The following MECOM variants were observed in gnomAD, a reference collection of about 807,000 sequenced individuals.
MECOM encodes the protein histone-lysine N-methyltransferase MECOM.
Under a neutral mutation model 116.3 loss-of-function variants are expected in MECOM, and 13 were observed. The ratio of observed to expected loss-of-function variants is 0.11; its 90% CI spans 0.07 to 0.18. MECOM has a LOEUF of 0.18. MECOM is among the 10% of genes least tolerant of loss of function. MECOM has a pLI of 1.00. For synonymous variants in MECOM, 528 were observed against 535.2 expected (o/e 0.99, Z 0.19); for missense variants, 1,299 against 1,509.0 (o/e 0.86, Z 2.31).
At chr3:169,167,886 C>T (rs1462147277) in intron 2 of MECOM, among the ~76,000 whole-genome samples, 2 of 151,998 alleles carry the variant, frequency 1.3e-5, no homozygotes, top group Non-Finnish European at 2.9e-5. Context: ...CTTGTCCTTT[C>T]GGGTTGCCTA....
intron 2 of MECOM, among the ~76,000 whole-genome samples, chr3:169,224,736 A>G (rs1752531008): frequency 6.6e-6 from 1 of 152,210 alleles, no homozygotes; most frequent in African/African-American, 2.4e-5. Context: ...TATGGCATTC[A>G]TTATCCACCA....
intron 1 of MECOM, among the ~76,000 whole-genome samples, chr3:169,526,359 G>A (rs1431835983): frequency 2.0e-5 from 3 of 152,056 alleles, no homozygotes; most frequent in Admixed American, 2.0e-4. Flanking sequence ...TGAAGGAGGT[G>A]GGAGGAGTTT....
At chr3:169,191,770 G>GAAAGAA (rs1559973978) in intron 2 of MECOM, among the ~76,000 whole-genome samples, 51 of 136,622 alleles carry the variant, frequency 3.7e-4, no homozygotes, top group African/African-American at 1.4e-3. Flanking sequence ...AAGAAAGAAA[G>GAAAGAA]AAAGAAAGAA....
intron 2 of MECOM, among the ~76,000 whole-genome samples, chr3:169,273,551 C>T (rs1451735620): frequency 6.6e-6 from 1 of 152,156 alleles, no homozygotes; most frequent in Non-Finnish European, 1.5e-5. Flanking sequence ...TCTGCGCATC[C>T]TGGTTGGCCT....
At position 169,512,799 on chromosome 3, in the gene MECOM, C is replaced by T. The variant is rs146806429; in HGVS notation, c.38-131275G>A. 5.3e-3 allele frequency among the ~76,000 whole-genome samples: 812 copies of T among 151,910 alleles called. 4 individuals carry two copies. Among genetic ancestry groups the T allele is most frequent in the African/African-American group, 0.017 (691 of 41,384 alleles). On this transcript the variant is annotated intron_variant, in intron 1 of 16. Coordinates refer to ENST00000651503, the MANE Select transcript of MECOM (RefSeq NM_004991.4). ...GGCCATCTCCACAGCATCCCAGCTC[C>T]CCCTTCCCACTTCTTCCTGCAGGGC...
intron 2 of MECOM, among the ~76,000 whole-genome samples, chr3:169,187,041 T>C (rs189734853): frequency 9.7e-4 from 148 of 152,252 alleles, no homozygotes; most frequent in Non-Finnish European, 1.4e-3. Context: ...TCCGAAGCAA[T>C]AGAAAAGTAA....
chr3:169,520,774 C>G (rs1757245721), intron 1 of MECOM, among the ~76,000 whole-genome samples: 1 of 151,878 alleles, frequency 6.6e-6, no homozygotes, highest in African/African-American at 2.4e-5. Flanking sequence ...AAATCTTAAT[C>G]TCAAAAAAAA....
chr3:169,155,708 C>T (rs1262274921), intron 2 of MECOM, among the ~76,000 whole-genome samples: 1 of 152,110 alleles, frequency 6.6e-6, no homozygotes, highest in Non-Finnish European at 1.5e-5. Context: ...TCAAATTTAT[C>T]GTCTTTCTAG....
chr3:169,130,652 A>T (rs1300978155), intron 4 of MECOM, among the ~76,000 whole-genome samples: 2 of 152,140 alleles, frequency 1.3e-5, no homozygotes, highest in Non-Finnish European at 2.9e-5. Context: ...AAGGGTGGTG[A>T]TCCCTGACTC....
At chr3:169,191,966 G>T (rs75078600) in intron 2 of MECOM, among the ~76,000 whole-genome samples, 22 of 151,968 alleles carry the variant, frequency 1.4e-4, no homozygotes, top group African/African-American at 5.1e-4. Flanking sequence ...AGAATAGAGT[G>T]GGTGGAGTAA....
chr3:169,153,182 G>A (rs909345249), intron 2 of MECOM, among the ~76,000 whole-genome samples: 1 of 152,022 alleles, frequency 6.6e-6, no homozygotes, highest in African/African-American at 2.4e-5. Flanking sequence ...TAAAACTTTG[G>A]TAGCAAAATA....
intron 2 of MECOM, among the ~76,000 whole-genome samples, chr3:169,236,659 A>G (rs1754107067): frequency 6.6e-6 from 1 of 152,244 alleles, no homozygotes; most frequent in Admixed American, 6.5e-5. Context: ...GTCATCAAAA[A>G]AGGGTCACCC....
At chr3:169,230,113 G>T (rs1484484480) in intron 2 of MECOM, among the ~76,000 whole-genome samples, 1 of 151,968 alleles carries the variant, frequency 6.6e-6, no homozygotes, top group Non-Finnish European at 1.5e-5. Context: ...AATTTCTCAG[G>T]TGTCTTGAGG....
At chr3:169,171,624 AT>A (rs1744418123) in intron 2 of MECOM, among the ~76,000 whole-genome samples, 1 of 152,164 alleles carries the variant, frequency 6.6e-6, no homozygotes, top group African/African-American at 2.4e-5. Flanking sequence ...ATAAATAATT[AT>A]TGGAATAAAT....
intron 1 of MECOM, among the ~76,000 whole-genome samples, chr3:169,637,101 C>T (rs1168469251): frequency 6.6e-6 from 1 of 152,182 alleles, no homozygotes; most frequent in Non-Finnish European, 1.5e-5. Context: ...GCTTAGAATG[C>T]TCCCTCCAGC....
At chr3:169,128,583 A>T (rs927253448) in intron 4 of MECOM, among the ~76,000 whole-genome samples, 1 of 147,516 alleles carries the variant, frequency 6.8e-6, no homozygotes, top group African/African-American at 2.5e-5. Flanking sequence ...TGGAAAGAAC[A>T]TGGGACACAG....
At chr3:169,607,036 C>T (rs911891780) in intron 1 of MECOM, among the ~76,000 whole-genome samples, 3 of 152,072 alleles carry the variant, frequency 2.0e-5, no homozygotes, top group South Asian at 2.1e-4. Flanking sequence ...TTGGAGTCTC[C>T]GCCATTTTAA....
At chr3:169,519,532 G>A (rs1209385963) in intron 1 of MECOM, among the ~76,000 whole-genome samples, 2 of 152,190 alleles carry the variant, frequency 1.3e-5, no homozygotes, top group Non-Finnish European at 2.9e-5. Context: ...AAACAGTGTG[G>A]TTGTGATACT....
intron 1 of MECOM, among the ~76,000 whole-genome samples, chr3:169,385,513 G>A (rs1404922522): frequency 1.3e-5 from 2 of 151,992 alleles, no homozygotes; most frequent in African/African-American, 2.4e-5. Flanking sequence ...GATGACAAAA[G>A]CGAAAATATT....
Sources: gnomAD v4.1 joint callset for allele counts (sites outside exome capture counted in the v4.1 genomes callset) on GRCh38, gnomAD v4.1.1 for gene constraint, MANE v1.5 for transcripts, NCBI Gene and HGNC (gene_info 2026-07-23, HGNC 2026-07-21) for gene names.